Variants in RYR2 observed in about 807,000 individuals in gnomAD.
RYR2 encodes ryanodine receptor 2, also known as cardiac muscle ryanodine receptor-calcium release channel.
A neutral mutation model predicts 601.1 loss-of-function variants in RYR2; 227 were observed. The observed-to-expected ratio is 0.38, with a 90% confidence interval of 0.34 to 0.42. RYR2 has a LOEUF of 0.42. Ranked by LOEUF, RYR2 falls within the 10% of genes least tolerant of loss-of-function variation. The pLI, the probability that RYR2 is intolerant of heterozygous loss-of-function variation, is 1.00. For missense variants in RYR2, 4,646 were observed against 6,156.5 expected, an observed-to-expected ratio of 0.75 and a Z score of 8.21; for synonymous variants, 2,223 against 2,175.1, an observed-to-expected ratio of 1.02 and a Z score of -0.61.
At chr1:237,285,275 A>G (rs1311945361) in intron 2 of RYR2, among the ~76,000 whole-genome samples, 1 of 152,192 alleles carries the variant, frequency 6.6e-6, no homozygotes, top group Non-Finnish European at 1.5e-5. Flanking sequence ...TTCTGCATCT[A>G]TTGAGATGAT....
intron 1 of RYR2, among the ~76,000 whole-genome samples, chr1:237,103,702 G>T (rs1392180677): frequency 1.3e-5 from 2 of 152,150 alleles, no homozygotes; most frequent in African/African-American, 4.8e-5. Context: ...CCGAGTAGCT[G>T]GGATTACAGG....
At chr1:237,160,106 A>G (rs1675839635) in intron 1 of RYR2, among the ~76,000 whole-genome samples, 1 of 152,230 alleles carries the variant, frequency 6.6e-6, no homozygotes. Flanking sequence ...TACTTGACAG[A>G]CACAGACTGT....
intron 17 of RYR2, among the ~76,000 whole-genome samples, chr1:237,476,168 C>A (rs1208804583): frequency 2.0e-5 from 3 of 152,186 alleles, no homozygotes; most frequent in African/African-American, 7.2e-5. Flanking sequence ...CTTCCCCTCT[C>A]TTAGTAAGTG....
chr1:237,433,536 A>G (rs1232842928), intron 12 of RYR2, among the ~76,000 whole-genome samples: 1 of 152,166 alleles, frequency 6.6e-6, no homozygotes, highest in African/African-American at 2.4e-5. Flanking sequence ...TCACATTGTC[A>G]ACATTTCAGA....
intron 24 of RYR2, among the ~76,000 whole-genome samples, chr1:237,518,274 A>G (rs554720471): frequency 6.6e-6 from 1 of 152,122 alleles, no homozygotes; most frequent in East Asian, 1.9e-4. Flanking sequence ...CTTTTTAAAA[A>G]TTGTACAAAT....
chr1:237,363,632 C>G (rs1472143809), intron 4 of RYR2, among the ~76,000 whole-genome samples: 2 of 151,980 alleles, frequency 1.3e-5, no homozygotes, highest in Non-Finnish European at 2.9e-5. Flanking sequence ...CTGTGTAACT[C>G]TCCTAGGAAT....
chr1:237,156,583 A>T (rs952841750), intron 1 of RYR2, among the ~76,000 whole-genome samples: 2 of 152,218 alleles, frequency 1.3e-5, no homozygotes, highest in African/African-American at 4.8e-5. Context: ...CTGCTTAATC[A>T]TGCTCTCCTA....
At chr1:237,555,918 G>A (rs561734360) in intron 27 of RYR2, among the ~76,000 whole-genome samples, 127 of 152,038 alleles carry the variant, frequency 8.4e-4, no homozygotes, top group African/African-American at 2.6e-3. Flanking sequence ...ATGCCAGACA[G>A]AAAAAAATCA....
intron 1 of RYR2, among the ~76,000 whole-genome samples, chr1:237,101,084 A>G (rs1431461745): frequency 1.3e-5 from 2 of 152,030 alleles, no homozygotes; most frequent in African/African-American, 4.8e-5. Flanking sequence ...CTTCCCTTTC[A>G]GTCTGGCCCA....
intron 51 of RYR2, 126 bp from the exon 52 acceptor site, chr1:237,654,148 G>A: frequency 9.2e-7 from 1 of 1,085,744 alleles, no homozygotes; most frequent in South Asian, 1.7e-5. Flanking sequence ...TAATTTATAT[G>A]GGATTGGGCA....
chr1:237,536,877 C>T lies in RYR2; in HGVS notation c.2906+6367C>T, dbSNP rs150447586. Among the ~76,000 whole-genome samples, 744 of 149,076 alleles carry T rather than the reference C, an allele frequency of 5.0e-3. 7 individuals are homozygous for T. The highest frequency in any genetic ancestry group is 0.018 in the African/African-American group (717 of 38,874). ...CTCCAGCCTGGGCGACAGAGCGAGACTCCATCTCAAAAAAAAAAGACTTGC... is the reference window on the plus strand; with the variant it reads ...CTCCAGCCTGGGCGACAGAGCGAGATTCCATCTCAAAAAAAAAAGACTTGC... On this transcript the variant is annotated intron_variant, in intron 25 of 104. Coordinates refer to ENST00000366574, the MANE Select transcript of RYR2 (RefSeq NM_001035.3).
intron 16 of RYR2, among the ~76,000 whole-genome samples, chr1:237,467,580 C>G (rs1660223302): frequency 6.6e-6 from 1 of 152,116 alleles, no homozygotes; most frequent in African/African-American, 2.4e-5. Flanking sequence ...TGTATTAGCT[C>G]TTAATCTCTG....
intron 1 of RYR2, among the ~76,000 whole-genome samples, chr1:237,181,018 C>T (rs1473067007): frequency 1.3e-5 from 2 of 152,014 alleles, no homozygotes; most frequent in African/African-American, 4.8e-5. Context: ...GAGCCTCACT[C>T]TGTCACCCAG....
chr1:237,736,937 A>G, intron 79 of RYR2, among the ~76,000 whole-genome samples: 1 of 152,184 alleles, frequency 6.6e-6, no homozygotes, highest in African/African-American at 2.4e-5. Flanking sequence ...AGATCAAAGC[A>G]GGTTTGTATG....
chr1:237,257,058 T>A (rs1260780222), intron 1 of RYR2, among the ~76,000 whole-genome samples: 2 of 152,146 alleles, frequency 1.3e-5, no homozygotes, highest in Non-Finnish European at 2.9e-5. Flanking sequence ...AAGTCTAGAG[T>A]CTATTCACTT....
intron 3 of RYR2, among the ~76,000 whole-genome samples, chr1:237,337,785 C>T (rs1457392825): frequency 6.6e-6 from 1 of 152,142 alleles, no homozygotes; most frequent in Admixed American, 6.6e-5. Flanking sequence ...AACAAAACTA[C>T]ACCCACAATA....
At chr1:237,193,547 C>T (rs1021459268) in intron 1 of RYR2, among the ~76,000 whole-genome samples, 8 of 152,168 alleles carry the variant, frequency 5.3e-5, no homozygotes, top group Non-Finnish European at 1.2e-4. Flanking sequence ...AATGTGGAAT[C>T]CTGAGGGAGT....
At chr1:237,214,312 G>T (rs1464777368) in intron 1 of RYR2, among the ~76,000 whole-genome samples, 2 of 152,144 alleles carry the variant, frequency 1.3e-5, no homozygotes, top group Non-Finnish European at 2.9e-5. Flanking sequence ...ACTAACTGAG[G>T]TTGGGTAATT....
In RYR2 at chr1:237,257,375, A is replaced by G. The variant is rs551540516; in HGVS notation, c.49-13122A>G. On this transcript the variant is annotated intron_variant, in intron 1 of 104. Coordinates refer to ENST00000366574, the MANE Select transcript of RYR2 (RefSeq NM_001035.3). ...TCGCTTCTGTGCCAGATGCTGTGCT[A>G]TATGATAGGTATAAGTTGATAAATA... 9.5e-4 allele frequency among the ~76,000 whole-genome samples: 145 copies of G among 152,294 alleles called. 2 individuals are homozygous for G. Among genetic ancestry groups the G allele is most frequent in the Admixed American group, 7.0e-3 (107 of 15,290 alleles).
Sources: gnomAD v4.1 joint callset for allele counts (sites outside exome capture counted in the v4.1 genomes callset) on GRCh38, gnomAD v4.1.1 for gene constraint, MANE v1.5 for transcripts, NCBI Gene and HGNC (gene_info 2026-07-23, HGNC 2026-07-21) for gene names.